The following DNAH10 variants were observed in gnomAD, a reference collection of about 807,000 sequenced individuals.
The protein encoded by DNAH10 is dynein axonemal heavy chain 10.
Under a neutral mutation model 506.6 loss-of-function variants are expected in DNAH10, and 348 were observed. The observed-to-expected ratio is 0.69, with a 90% CI of 0.63 to 0.75. The LOEUF (loss-of-function observed/expected upper bound fraction) is 0.75. Ranked by LOEUF, DNAH10 falls within the 30% of genes least tolerant of loss-of-function variation. The pLI, the probability that DNAH10 is intolerant of heterozygous loss-of-function variation, is 0.00. For synonymous variants in DNAH10, 2,059 were observed against 2,198.6 expected, an observed-to-expected ratio of 0.94 and a Z score of 1.78; for missense variants, 5,179 against 5,787.1, an observed-to-expected ratio of 0.89 and a Z score of 3.41.
At chr12:123,794,425 C>T (rs1958199651) in intron 12 of DNAH10, among the ~76,000 whole-genome samples, 1 of 152,140 alleles carries the variant, frequency 6.6e-6, no homozygotes, top group Non-Finnish European at 1.5e-5. Flanking sequence ...TTATAATTAA[C>T]TCAGAACAAT....
intron 19 of DNAH10, among the ~76,000 whole-genome samples, chr12:123,811,079 G>C: frequency 6.6e-6 from 1 of 152,068 alleles, no homozygotes; most frequent in East Asian, 1.9e-4. Flanking sequence ...AACATGCATG[G>C]CTAGGCCACT....
At chr12:123,842,956 G>A (rs1352048850) in intron 30 of DNAH10, among the ~76,000 whole-genome samples, 1 of 152,228 alleles carries the variant, frequency 6.6e-6, no homozygotes, top group Non-Finnish European at 1.5e-5. Flanking sequence ...AACTGAACTA[G>A]ACAGAAATCT....
chr12:123,894,571 T>C, intron 53 of DNAH10, 72 bp from the exon 54 acceptor site: 1 of 1,449,900 alleles, frequency 6.9e-7, no homozygotes, highest in South Asian at 1.2e-5. Context: ...ATTTTTGTAT[T>C]TTTTGTAGAG....
intron 5 of DNAH10, among the ~76,000 whole-genome samples, chr12:123,777,629 C>CTTAT (rs993198983): frequency 8.5e-5 from 13 of 152,290 alleles, no homozygotes; most frequent in African/African-American, 2.4e-4. Flanking sequence ...TGGCTACCTT[C>CTTAT]TTATTTATTT....
intron 2 of DNAH10, among the ~76,000 whole-genome samples, chr12:123,768,005 A>G (rs912573057): frequency 1.5e-4 from 23 of 152,072 alleles, no homozygotes; most frequent in African/African-American, 5.6e-4. Flanking sequence ...TAGCCTCCTC[A>G]CTGCAGTCTG....
chr12:123,833,505 A>G (rs1285266349), intron 27 of DNAH10, among the ~76,000 whole-genome samples, 158 bp downstream of exon 27: 1 of 152,168 alleles, frequency 6.6e-6, no homozygotes, highest in Non-Finnish European at 1.5e-5. Flanking sequence ...TATTTTGAGG[A>G]CAAGAGTGCA....
Position 123,785,663 on chromosome 12 carries a change from C to G in DNAH10, c.1231-83C>G. 1.8e-5 allele frequency: 17 copies of G among 956,898 alleles called. No individual in the cohort carries two copies. Among genetic ancestry groups the G allele is most frequent in the South Asian group, 2.9e-5 (1 of 33,986 alleles). 59.3% of individuals were successfully genotyped at this position (956,898 alleles called of 1,614,324 possible). ...AAAAAAAAAAAAAAAAAGAGTGAAACTTCTTGCATGCTTACTGTTTTATGA... is the reference window on the plus strand; with the variant it reads ...AAAAAAAAAAAAAAAAAGAGTGAAAGTTCTTGCATGCTTACTGTTTTATGA... On this transcript the variant is annotated intron_variant, in intron 8 of 78. Coordinates refer to ENST00000673944, the MANE Select transcript of DNAH10 (RefSeq NM_001372106.1). This position sits in a 1 kb window ranked among gnomAD's most constrained non-coding sequence, Gnocchi z 4.1.
In DNAH10 at chr12:123,913,067, C is replaced by T. The variant is rs1338385557; in HGVS notation, c.10135-31C>T. On this transcript the variant is annotated intron_variant, in intron 59 of 78. Coordinates refer to ENST00000673944, the MANE Select transcript of DNAH10 (RefSeq NM_001372106.1). The surrounding 1 kb of genome is among the most constrained non-coding windows in gnomAD (Gnocchi z 5.1). ...ATCGCGGCCCCACCACGGTCCTTTT[C>T]CCCATCTTTTTGCAAATTGTCTTCA... 2 of 1,580,486 alleles carry T rather than the reference C, an allele frequency of 1.3e-6. No individual in the cohort carries two copies. The highest frequency in any genetic ancestry group is 8.6e-7 in the Non-Finnish European group (1 of 1,162,688).
chr12:123,928,734 C>A lies in DNAH10; in HGVS notation c.12306+147C>A, dbSNP rs1955057335. 3.3e-6 allele frequency: 3 copies of A among 901,694 alleles called. No individual in the cohort carries two copies. In the South Asian group the frequency reaches 5.3e-5, roughly 16 times the overall value. 55.9% of individuals were successfully genotyped at this position (901,694 alleles called of 1,614,324 possible). A position where few individuals can be genotyped will look rare whatever the true frequency, so the allele number is the denominator to read the frequency against. ...CCTTGCGGTTGAAACCCTTCTCAAT[C>A]CCACCTCTCTCTTTAGAGGGAGCCG... On this transcript the variant is annotated intron_variant, in intron 70 of 78. Transcript: ENST00000673944. The surrounding 1 kb of genome is among the most constrained non-coding windows in gnomAD (Gnocchi z 4.9).
chr12:123,877,564 C>A (rs772970977), intron 47 of DNAH10, among the ~76,000 whole-genome samples, 172 bp from the exon 48 acceptor site: 1 of 152,170 alleles, frequency 6.6e-6, no homozygotes, highest in Non-Finnish European at 1.5e-5. Flanking sequence ...GATCTGCCCA[C>A]CTTGGCCTCC....
At position 123,785,957 on chromosome 12, in the gene DNAH10, T is replaced by G. The variant is rs754001498; in HGVS notation, c.1421+21T>G. 8.2e-6 allele frequency: 13 copies of G among 1,594,918 alleles called. No homozygotes were observed. The highest frequency in any genetic ancestry group is 1.7e-4 in the Middle Eastern group (1 of 6,032). On this transcript the variant is annotated intron_variant, in intron 9 of 78. Coordinates refer to ENST00000673944, the MANE Select transcript of DNAH10 (RefSeq NM_001372106.1). The surrounding 1 kb of genome is among the most constrained non-coding windows in gnomAD (Gnocchi z 4.1). The stretch of plus-strand genomic sequence containing the variant: ...TTCAAGTAAGAAGCCATGGCGTTCA[T>G]TTTTTTGTTTTGTTTTGTTTCACTT...
chr12:123,822,864 G>A (rs935562728), intron 24 of DNAH10, among the ~76,000 whole-genome samples: 1 of 152,226 alleles, frequency 6.6e-6, no homozygotes, highest in East Asian at 1.9e-4. Context: ...ATTCAGGCCT[G>A]CAGTGGATTG....
intron 38 of DNAH10, among the ~76,000 whole-genome samples, chr12:123,860,328 G>A (rs759914611): frequency 6.6e-6 from 1 of 152,186 alleles, no homozygotes; most frequent in Non-Finnish European, 1.5e-5. Flanking sequence ...CTCTAAGTGG[G>A]CTGTGCCGTG....
chr12:123,892,463 G>T (rs1953028447), intron 52 of DNAH10, among the ~76,000 whole-genome samples: 1 of 152,164 alleles, frequency 6.6e-6, no homozygotes, highest in South Asian at 2.1e-4. Context: ...CTCCCACCGG[G>T]CCCCACCTGT....
At chr12:123,819,841 A>T (rs1268585805) in intron 23 of DNAH10, among the ~76,000 whole-genome samples, 1 of 151,654 alleles carries the variant, frequency 6.6e-6, no homozygotes. Flanking sequence ...AGTAGCTGAG[A>T]CTACAGGCAC....
chr12:123,929,242 C>T (rs1285528153), intron 70 of DNAH10, 33 bp from the exon 71 acceptor site: 6 of 1,557,790 alleles, frequency 3.9e-6, no homozygotes, highest in South Asian at 3.6e-5. Context: ...GGCCTGCGGT[C>T]TCCATCACTG....
chr12:123,930,557 A>G lies in DNAH10; in HGVS notation c.12768A>G (p.Glu4256=), dbSNP rs368468573. 3.7e-6 allele frequency: 6 copies of G among 1,605,364 alleles called. No individual in the cohort carries two copies. Among genetic ancestry groups the G allele is most frequent in the Non-Finnish European group, 4.2e-6 (5 of 1,177,862 alleles). ...EVDYKIPVGD[E]KEKFVEAIEA... ...ACTACAAAATCCCTGTTGGTGATGA[A>G]AAGGAGAAATTTGTTGGTGAGATTT... The change falls in exon 73 of 79, where the codon GAA becomes GAG. Residue 4256 remains glutamate (E), a synonymous_variant. Transcript: ENST00000673944.
In DNAH10 at chr12:123,926,580, C is replaced by T. The variant is rs1009709049; in HGVS notation, c.11922-57C>T. 7 of 1,566,054 alleles carry T rather than the reference C, an allele frequency of 4.5e-6. No homozygotes were observed. The highest frequency in any genetic ancestry group is 6.1e-6 in the Non-Finnish European group (7 of 1,151,972). On this transcript the variant is annotated intron_variant, in intron 68 of 78. Coordinates refer to ENST00000673944, the MANE Select transcript of DNAH10 (RefSeq NM_001372106.1). This position sits in a 1 kb window ranked among gnomAD's most constrained non-coding sequence, Gnocchi z 4.1. Reference sequence around the variant, plus strand: ...AGGCAGCGCTGATCAGACAGACCAGCCCCTGGTCTGGAGCTGTCCTCGCGG... The same window carrying T: ...AGGCAGCGCTGATCAGACAGACCAGTCCCTGGTCTGGAGCTGTCCTCGCGG...
At chr12:123,809,950 C>T (rs1322416432) in intron 19 of DNAH10, among the ~76,000 whole-genome samples, 1 of 152,164 alleles carries the variant, frequency 6.6e-6, no homozygotes, top group Non-Finnish European at 1.5e-5. Flanking sequence ...GCTCCCCTGA[C>T]CTTCTTGTCC....
Sources: allele counts gnomAD v4.1 joint callset (sites outside exome capture counted in the v4.1 genomes callset), GRCh38; gene constraint gnomAD v4.1.1; non-coding constraint Gnocchi (gnomAD v3.1); transcripts MANE v1.5; gene names NCBI Gene and HGNC (gene_info 2026-07-23, HGNC 2026-07-21).